MAP9: variants seen among roughly 807,000 people sequenced by gnomAD.
MAP9 encodes microtubule associated protein 9, also known as microtubule-associated protein 9.
A neutral mutation model predicts 75.2 loss-of-function variants in MAP9; 80 were observed. The ratio of observed to expected loss-of-function variants is 1.06; its 90% CI spans 0.89 to 1.28. The LOEUF (loss-of-function observed/expected upper bound fraction) is 1.28. Ranked by LOEUF, MAP9 falls within the 50% of genes most tolerant of loss-of-function variation. The pLI is 0.00. For missense variants in MAP9, 753 were observed against 719.9 expected (o/e 1.05, Z -0.53); for synonymous variants, 235 against 237.3 (o/e 0.99, Z 0.09).
chr4:155,368,994 G>T (rs1732463352), intron 4 of MAP9, 182 bp from the exon 5 acceptor site: 1 of 570,128 alleles, frequency 1.8e-6, no homozygotes. Context: ...ATAAATGATG[G>T]TTAATAATCA....
In MAP9 at chr4:155,360,165, T is replaced by C. The variant is rs1489644994; in HGVS notation, c.1050+3A>G. The C allele has an allele frequency of 1.2e-6, 2 of 1,604,532 alleles. No individual in the cohort carries two copies. The highest frequency in any genetic ancestry group is 1.3e-5 in the African/African-American group (1 of 74,698). ...TATGAAAAGTATGAATTTTTACAAA[T>C]ACCTTTGAAGATGCTGTTGCACTGG... On this transcript the variant is annotated splice_donor_region_variant and intron_variant, in intron 7 of 13. Coordinates refer to ENST00000311277, the MANE Select transcript of MAP9 (RefSeq NM_001039580.2).
intron 5 of MAP9, among the ~76,000 whole-genome samples, chr4:155,366,005 C>T (rs559848124): frequency 5.3e-4 from 81 of 152,022 alleles, no homozygotes; most frequent in South Asian, 2.1e-3. Context: ...GCAGAAATCA[C>T]GAAAATCTTA....
chr4:155,359,729 C>G (rs558599717), intron 7 of MAP9, among the ~76,000 whole-genome samples: 6 of 151,964 alleles, frequency 3.9e-5, no homozygotes, highest in Non-Finnish European at 5.9e-5. Context: ...TTTAAAGAAG[C>G]ACAGATGTTG....
chr4:155,374,889 G>T, intron 3 of MAP9, 48 bp downstream of exon 3: 1 of 1,305,346 alleles, frequency 7.7e-7, no homozygotes, highest in Non-Finnish European at 1.1e-6. Context: ...ACAAAACTAA[G>T]GAAGCAAAAA....
intron 13 of MAP9, among the ~76,000 whole-genome samples, chr4:155,351,934 AGTAAT>A (rs1420696517): frequency 6.6e-6 from 1 of 152,176 alleles, no homozygotes; most frequent in East Asian, 1.9e-4. Context: ...ATTTATTCAT[AGTAAT>A]GTATTACTTA....
intron 6 of MAP9, among the ~76,000 whole-genome samples, chr4:155,361,580 C>T (rs984816379): frequency 3.9e-5 from 6 of 152,008 alleles, no homozygotes; most frequent in Non-Finnish European, 7.4e-5. Flanking sequence ...AGGCAAATTA[C>T]TCTTATTTTA....
chr4:155,372,311 A>C (rs1226310808), intron 4 of MAP9, among the ~76,000 whole-genome samples: 1 of 152,224 alleles, frequency 6.6e-6, no homozygotes, highest in Non-Finnish European at 1.5e-5. Context: ...GATGATATGC[A>C]AGGAGATTTT....
intron 2 of MAP9, among the ~76,000 whole-genome samples, chr4:155,375,317 TAAG>T (rs1732792917): frequency 6.6e-6 from 1 of 152,092 alleles, no homozygotes; most frequent in East Asian, 1.9e-4. Flanking sequence ...GGGTAACAAA[TAAG>T]AAGGGGCTCA....
chr4:155,361,805 A>G (rs1183652110), intron 6 of MAP9, among the ~76,000 whole-genome samples: 2 of 152,056 alleles, frequency 1.3e-5, no homozygotes, highest in East Asian at 3.9e-4. Context: ...AAAATGCACT[A>G]TATCACTTAA....
At chr4:155,359,210 TACAC>T (rs56261222) in intron 7 of MAP9, among the ~76,000 whole-genome samples, 8,590 of 145,470 alleles carry the variant, frequency 0.059, 292 homozygotes, top group Middle Eastern at 0.088. Context: ...AAAATGTGTA[TACAC>T]ACACACACAC....
intron 12 of MAP9, 49 bp from the exon 13 acceptor site, chr4:155,352,777 T>C: frequency 6.7e-7 from 1 of 1,483,556 alleles, no homozygotes. Flanking sequence ...AAATACATAA[T>C]AAAGATTCCC....
intron 7 of MAP9, among the ~76,000 whole-genome samples, chr4:155,358,970 G>A (rs954858303): frequency 6.6e-5 from 10 of 151,986 alleles, no homozygotes; most frequent in African/African-American, 1.4e-4. Flanking sequence ...GTATACTCTT[G>A]GTAAGAATGT....
intron 4 of MAP9, among the ~76,000 whole-genome samples, chr4:155,370,771 G>A (rs1033033082): frequency 2.6e-5 from 4 of 152,068 alleles, no homozygotes; most frequent in East Asian, 1.9e-4. Context: ...TACGCATCCC[G>A]CATGACTGAT....
At chr4:155,351,901 T>A (rs1731528436) in intron 13 of MAP9, among the ~76,000 whole-genome samples, 1 of 151,898 alleles carries the variant, frequency 6.6e-6, no homozygotes, top group Admixed American at 6.6e-5. Flanking sequence ...TTCATATGAA[T>A]GTGTTACCTA....
chr4:155,371,814 T>G (rs570346710), intron 4 of MAP9, among the ~76,000 whole-genome samples: 2 of 152,056 alleles, frequency 1.3e-5, no homozygotes, highest in South Asian at 4.2e-4. Context: ...CTCAGACAAA[T>G]TTTTAGTTGC....
Position 155,343,827 on chromosome 4 carries a change from C to G in MAP9, c.*3956G>C, listed in dbSNP as rs905725357. The G allele has an allele frequency of 2.9e-4, 44 of 151,834 alleles. No individual in the cohort carries two copies. The highest frequency in any genetic ancestry group is 1.0e-3 in the African/African-American group (43 of 41,410). The allele number at this position is 151,834 out of a possible 1,614,324, so 9.4% of individuals were successfully genotyped here. A position where few individuals can be genotyped will look rare whatever the true frequency, so the allele number is the denominator to read the frequency against. On this transcript the variant is annotated 3_prime_UTR_variant, in exon 14 of 14. Coordinates refer to ENST00000311277, the MANE Select transcript of MAP9 (RefSeq NM_001039580.2). ...TACAATTACATGTAATATACATATT[C>G]AAAATGGCATAATCACATGAAATTT...
intron 7 of MAP9, 109 bp downstream of exon 7, chr4:155,360,059 A>C (rs1731997903): frequency 2.9e-6 from 3 of 1,018,838 alleles, no homozygotes; most frequent in Non-Finnish European, 4.3e-6. Flanking sequence ...ATCAAAAGAT[A>C]AATTTTCCAC....
chr4:155,347,976 T>C, intron 13 of MAP9, 71 bp from the exon 14 acceptor site: 2 of 985,962 alleles, frequency 2.0e-6, no homozygotes, highest in Middle Eastern at 4.9e-4. Context: ...GGTTGCTTGC[T>C]GAAGAACAAA....
In MAP9 at chr4:155,347,071, T is replaced by G. The variant is rs1454511588; in HGVS notation, c.*712A>C. 1 of 152,202 alleles carries G rather than the reference T, an allele frequency of 6.6e-6. No individual in the cohort carries two copies. Among genetic ancestry groups the G allele is most frequent in the Non-Finnish European group, 1.5e-5 (1 of 68,032 alleles). 9.4% of individuals were successfully genotyped at this position (152,202 alleles called of 1,614,324 possible). A position where few individuals can be genotyped will look rare whatever the true frequency, so the allele number is the denominator to read the frequency against. On this transcript the variant is annotated 3_prime_UTR_variant, in exon 14 of 14. Coordinates refer to ENST00000311277, the MANE Select transcript of MAP9 (RefSeq NM_001039580.2). ...AAGTATATCACTACTGTGACATTGA[T>G]GTCTTTTGGTATCACTGAAATAATA...
Sources: allele counts gnomAD v4.1 joint callset (sites outside exome capture counted in the v4.1 genomes callset), GRCh38; gene constraint gnomAD v4.1.1; transcripts MANE v1.5; gene names NCBI Gene and HGNC (gene_info 2026-07-23, HGNC 2026-07-21).